EIF4E: variants seen among roughly 807,000 people sequenced by gnomAD.
EIF4E encodes the protein eukaryotic translation initiation factor 4E.
For synonymous variants in EIF4E, 71 were observed against 88.5 expected, an observed-to-expected ratio of 0.80 and a Z score of 1.11; for missense variants, 113 against 265.6, an observed-to-expected ratio of 0.43 and a Z score of 3.99.
Position 98,881,149 on chromosome 4 carries a change from G to T in EIF4E, c.540-7C>A. The T allele has an allele frequency of 4.0e-6, 5 of 1,263,620 alleles. No individual in the cohort carries two copies. The Admixed American group carries it at 6.8e-5, about 17-fold the overall frequency. The allele number at this position is 1,263,620 out of a possible 1,614,324, so 78.3% of individuals were successfully genotyped here. ...CCTTTCCTTGTATACCCTCCTAGAA[G>T]AAAAAAAAAAAGAAGAAGAAAAAAG... On this transcript the variant is annotated splice_polypyrimidine_tract_variant and splice_region_variant and intron_variant, in intron 6 of 6. Coordinates refer to ENST00000450253, the MANE Select transcript of EIF4E (RefSeq NM_001968.5).
intron 1 of EIF4E, among the ~76,000 whole-genome samples, chr4:98,927,876 A>G (rs549347571): frequency 1.3e-5 from 2 of 152,188 alleles, no homozygotes; most frequent in Admixed American, 1.3e-4. Flanking sequence ...TAAAAAGGCA[A>G]CAGGGCCCAG....
intron 1 of EIF4E, chr4:98,903,584 T>G (rs1366752707): frequency 2.4e-6 from 1 of 415,726 alleles, no homozygotes; most frequent in Non-Finnish European, 4.7e-6. Flanking sequence ...GCTCAAGCAA[T>G]CCTCCCACCT....
intron 1 of EIF4E, among the ~76,000 whole-genome samples, chr4:98,904,171 G>A (rs984603805): frequency 3.3e-5 from 5 of 152,162 alleles, no homozygotes; most frequent in African/African-American, 7.2e-5. Flanking sequence ...TTTGTGAAAC[G>A]TAAGCAGAAC....
chr4:98,907,708 T>C (rs994530498), intron 1 of EIF4E, among the ~76,000 whole-genome samples: 2 of 152,190 alleles, frequency 1.3e-5, no homozygotes, highest in African/African-American at 2.4e-5. Flanking sequence ...CCTTTAAGTC[T>C]TAAGATGAGT....
intron 1 of EIF4E, among the ~76,000 whole-genome samples, chr4:98,921,170 ATAAAG>A (rs1167791910): frequency 3.9e-5 from 6 of 152,200 alleles, no homozygotes; most frequent in African/African-American, 9.6e-5. Flanking sequence ...TTCCTCACCT[ATAAAG>A]TATTCATTTA....
At chr4:98,924,085 T>A (rs1304021281) in intron 1 of EIF4E, among the ~76,000 whole-genome samples, 3 of 151,814 alleles carry the variant, frequency 2.0e-5, no homozygotes, top group Admixed American at 1.3e-4. Context: ...TTGTTTATTT[T>A]TTTTTTTTTT....
chr4:98,918,638 G>A (rs1370182048), intron 1 of EIF4E, among the ~76,000 whole-genome samples: 2 of 152,002 alleles, frequency 1.3e-5, no homozygotes, highest in Non-Finnish European at 2.9e-5. Context: ...AGTAATGTTT[G>A]AAATAGCAAA....
At chr4:98,882,172 C>T (rs1456059475) in intron 6 of EIF4E, among the ~76,000 whole-genome samples, 1 of 151,628 alleles carries the variant, frequency 6.6e-6, no homozygotes, top group African/African-American at 2.4e-5. Context: ...GCGGGCGGAT[C>T]ACGAGGTCAG....
intron 2 of EIF4E, among the ~76,000 whole-genome samples, chr4:98,893,326 G>A (rs1037058905): frequency 3.3e-5 from 5 of 152,186 alleles, no homozygotes; most frequent in Non-Finnish European, 5.9e-5. Context: ...AGACAACAAC[G>A]AAGTCTGTCA....
At chr4:98,903,357 T>A in intron 1 of EIF4E, 1 of 414,946 alleles carries the variant, frequency 2.4e-6, no homozygotes, top group South Asian at 1.7e-5. Flanking sequence ...TGAAAGAATA[T>A]GGGTTTTTTT....
chr4:98,884,038 C>CAA (rs11438126), intron 6 of EIF4E, among the ~76,000 whole-genome samples: 3,275 of 102,768 alleles, frequency 0.032, 51 homozygotes, highest in African/African-American at 0.043. Flanking sequence ...GACCCTGTCT[C>CAA]AAAAAAAAAA....
intron 1 of EIF4E, among the ~76,000 whole-genome samples, chr4:98,922,755 C>T (rs1371470880): frequency 6.6e-6 from 1 of 151,756 alleles, no homozygotes; most frequent in Non-Finnish European, 1.5e-5. Flanking sequence ...ATTCCATATC[C>T]CTATAAATCC....
chr4:98,916,628 C>T (rs1725394000), intron 1 of EIF4E, among the ~76,000 whole-genome samples: 3 of 152,096 alleles, frequency 2.0e-5, no homozygotes, highest in Admixed American at 1.3e-4. Flanking sequence ...GAGAGAGCAA[C>T]AGGTCACACT....
intron 1 of EIF4E, among the ~76,000 whole-genome samples, chr4:98,904,887 C>A (rs1724802379): frequency 6.6e-6 from 1 of 151,910 alleles, no homozygotes; most frequent in African/African-American, 2.4e-5. Flanking sequence ...AATTTAAAAT[C>A]TTTAGTCTTC....
chr4:98,885,521 C>T (rs1723882420), intron 5 of EIF4E, among the ~76,000 whole-genome samples: 1 of 152,128 alleles, frequency 6.6e-6, no homozygotes. Flanking sequence ...CATCACAGCT[C>T]ACTGCAGCCT....
intron 1 of EIF4E, 151 bp downstream of exon 1, chr4:98,928,944 A>C (rs1420853390): frequency 1.9e-6 from 3 of 1,577,584 alleles, no homozygotes; most frequent in Non-Finnish European, 2.6e-6. Flanking sequence ...GGACGTCCCC[A>C]CTTGTCCGCG....
At chr4:98,927,196 CAATTT>C (rs1374052561) in intron 1 of EIF4E, among the ~76,000 whole-genome samples, 1 of 152,104 alleles carries the variant, frequency 6.6e-6, no homozygotes, top group African/African-American at 2.4e-5. Context: ...GTTTTTCAGT[CAATTT>C]AATTCCCAGG....
chr4:98,915,258 A>G (rs748882368), intron 1 of EIF4E, among the ~76,000 whole-genome samples: 1 of 151,972 alleles, frequency 6.6e-6, no homozygotes, highest in Non-Finnish European at 1.5e-5. Flanking sequence ...AACCCGGCCG[A>G]AAATTAAGTA....
At chr4:98,923,549 T>A (rs1725739945) in intron 1 of EIF4E, among the ~76,000 whole-genome samples, 1 of 152,168 alleles carries the variant, frequency 6.6e-6, no homozygotes, top group Admixed American at 6.5e-5. Flanking sequence ...CGGGCTCAAG[T>A]GATCCTCCTG....
Sources: gnomAD v4.1 joint callset for allele counts (sites outside exome capture counted in the v4.1 genomes callset) on GRCh38, gnomAD v4.1.1 for gene constraint, MANE v1.5 for transcripts, NCBI Gene and HGNC (gene_info 2026-07-23, HGNC 2026-07-21) for gene names.